Variants in LRP1B observed in about 807,000 individuals in gnomAD.
LRP1B encodes the protein LDL receptor related protein 1B.
A neutral mutation model predicts 556.6 loss-of-function variants in LRP1B; 217 were observed. That is an observed-to-expected ratio of 0.39 (90% CI 0.35 to 0.44). The LOEUF (loss-of-function observed/expected upper bound fraction) is 0.44, where lower values mean the gene tolerates loss of function less well. Ranked by LOEUF, LRP1B falls within the 20% of genes least tolerant of loss-of-function variation. LRP1B has a pLI of 1.00. For synonymous variants in LRP1B, 2,047 were observed against 1,865.8 expected, an observed-to-expected ratio of 1.10 and a Z score of -2.50; for missense variants, 5,053 against 5,620.8, an observed-to-expected ratio of 0.90 and a Z score of 3.23.
chr2:141,639,839 A>C (rs2105362453), intron 2 of LRP1B, among the ~76,000 whole-genome samples: 1 of 152,192 alleles, frequency 6.6e-6, no homozygotes, highest in African/African-American at 2.4e-5. Flanking sequence ...GTTTTACGAT[A>C]TTTCTGCAAC....
At chr2:140,399,712 C>T (rs1189201325) in intron 66 of LRP1B, among the ~76,000 whole-genome samples, 1 of 152,038 alleles carries the variant, frequency 6.6e-6, no homozygotes, top group South Asian at 2.1e-4. Flanking sequence ...TACATAAGGT[C>T]AGGATAAGAT....
At chr2:141,166,138 T>TA (rs1238301788) in intron 7 of LRP1B, among the ~76,000 whole-genome samples, 2 of 151,902 alleles carry the variant, frequency 1.3e-5, no homozygotes, top group African/African-American at 4.8e-5. Flanking sequence ...TTCGAAACTG[T>TA]AAATCTACCT....
chr2:140,801,160 G>T (rs1434261229), intron 32 of LRP1B, among the ~76,000 whole-genome samples: 1 of 152,098 alleles, frequency 6.6e-6, no homozygotes, highest in Non-Finnish European at 1.5e-5. Flanking sequence ...TATGAATAAA[G>T]TGTGGTCCCA....
intron 43 of LRP1B, among the ~76,000 whole-genome samples, chr2:140,546,267 C>T (rs1680334677): frequency 6.6e-6 from 1 of 152,012 alleles, no homozygotes; most frequent in South Asian, 2.1e-4. Flanking sequence ...TTGGATGCCC[C>T]TTCTTTCTTT....
At chr2:140,985,739 G>T (rs79575086) in intron 17 of LRP1B, among the ~76,000 whole-genome samples, 4,041 of 150,770 alleles carry the variant, frequency 0.027, 179 homozygotes, top group African/African-American at 0.09. Flanking sequence ...CTGGTCAATT[G>T]TTCTTTTTTT....
At chr2:141,106,535 G>T in intron 7 of LRP1B, among the ~76,000 whole-genome samples, 1 of 147,224 alleles carries the variant, frequency 6.8e-6, no homozygotes, top group South Asian at 2.2e-4. Flanking sequence ...GAATTCAGAA[G>T]TAAATAGACA....
At chr2:141,981,275 G>A (rs1702036141) in intron 1 of LRP1B, among the ~76,000 whole-genome samples, 1 of 152,054 alleles carries the variant, frequency 6.6e-6, no homozygotes, top group Non-Finnish European at 1.5e-5. Context: ...ATTTAGTTAG[G>A]GTGGTCAGGA....
intron 2 of LRP1B, among the ~76,000 whole-genome samples, chr2:141,517,259 T>TACACACAC (rs71281835): frequency 0.11 from 15,127 of 141,408 alleles, 912 homozygotes; most frequent in South Asian, 0.14. Context: ...AGGACAAGAA[T>TACACACAC]ACGCACACAC....
intron 31 of LRP1B, 45 bp downstream of exon 31, chr2:140,839,946 G>A (rs1365954790): frequency 4.4e-6 from 5 of 1,138,692 alleles, no homozygotes; most frequent in African/African-American, 1.5e-5. Flanking sequence ...ACAAGTACAG[G>A]TTTGTCACAT....
At chr2:141,321,049 CTG>C (rs1024442473) in intron 3 of LRP1B, among the ~76,000 whole-genome samples, 4 of 152,052 alleles carry the variant, frequency 2.6e-5, no homozygotes, top group African/African-American at 9.7e-5. Context: ...TTATCAAAAA[CTG>C]TTAATTCAAT....
chr2:141,173,102 G>A (rs1046388396), intron 7 of LRP1B, among the ~76,000 whole-genome samples: 2 of 149,462 alleles, frequency 1.3e-5, no homozygotes, highest in African/African-American at 4.9e-5. Context: ...TTCAATTACT[G>A]CTTTGTTGAG....
chr2:141,880,484 C>T lies in LRP1B; in HGVS notation c.83-70083G>A, dbSNP rs1041441063. Among the ~76,000 whole-genome samples the T allele has an allele frequency of 6.6e-5, 10 of 151,512 alleles. No individual in the cohort carries two copies. In the East Asian group the frequency reaches 1.9e-3, roughly 30 times the overall value. ...TATTATCATACAACGAAAAAGAAAC[C>T]TACAAGCAACAAAAAACTAATAATA... is the stretch of plus-strand genomic sequence containing the variant. On this transcript the variant is annotated intron_variant, in intron 1 of 90. Transcript: ENST00000389484.
intron 2 of LRP1B, among the ~76,000 whole-genome samples, chr2:141,590,663 A>G (rs1574113403): frequency 1.3e-5 from 2 of 152,268 alleles, no homozygotes; most frequent in South Asian, 4.1e-4. Context: ...ATTTCAATTG[A>G]CAATCCCTGT....
intron 1 of LRP1B, among the ~76,000 whole-genome samples, chr2:141,879,072 G>A (rs529631283): frequency 1.9e-3 from 284 of 151,958 alleles, no homozygotes; most frequent in South Asian, 4.1e-3. Flanking sequence ...GACACATTCA[G>A]TTCTTTCAAT....
chr2:141,523,304 C>A (rs1299954281), intron 2 of LRP1B, among the ~76,000 whole-genome samples: 1 of 152,008 alleles, frequency 6.6e-6, no homozygotes, highest in East Asian at 1.9e-4. Flanking sequence ...AATGATAATG[C>A]AAAGTCATTA....
intron 1 of LRP1B, among the ~76,000 whole-genome samples, chr2:142,127,014 G>C (rs1707678006): frequency 6.6e-6 from 1 of 151,870 alleles, no homozygotes; most frequent in African/African-American, 2.4e-5. Flanking sequence ...GCAGCATTTA[G>C]AAAGTGTCAT....
intron 1 of LRP1B, among the ~76,000 whole-genome samples, chr2:141,905,616 C>G (rs1031012691): frequency 2.6e-5 from 4 of 151,548 alleles, no homozygotes; most frequent in African/African-American, 9.7e-5. Flanking sequence ...AGAAAGGAAT[C>G]TAGGGCTGAA....
At chr2:140,884,167 A>T in intron 24 of LRP1B, 146 bp from the exon 25 acceptor site, 1 of 683,148 alleles carries the variant, frequency 1.5e-6, no homozygotes, top group Non-Finnish European at 2.4e-6. Flanking sequence ...TACCTAGCAC[A>T]GGTAAAACCA....
chr2:141,138,945 G>A (rs1261302701), intron 7 of LRP1B, among the ~76,000 whole-genome samples: 1 of 151,946 alleles, frequency 6.6e-6, no homozygotes, highest in African/African-American at 2.4e-5. Context: ...ATAGATAAGA[G>A]TGCCTAATTT....
Sources: allele counts gnomAD v4.1 joint callset (sites outside exome capture counted in the v4.1 genomes callset), GRCh38; gene constraint gnomAD v4.1.1; transcripts MANE v1.5; gene names NCBI Gene and HGNC (gene_info 2026-07-23, HGNC 2026-07-21).